Variants in SEMA3C observed in about 807,000 individuals in gnomAD.
The protein encoded by SEMA3C is semaphorin 3C.
A neutral mutation model predicts 89.4 loss-of-function variants in SEMA3C; 47 were observed. The ratio of observed to expected loss-of-function variants is 0.53; its 90% CI spans 0.42 to 0.67. The LOEUF is 0.67. Among genes scored for constraint, SEMA3C ranks in the 30% least tolerant of loss-of-function variants. The pLI, the probability that SEMA3C is intolerant of heterozygous loss-of-function variation, is 0.00. For missense variants in SEMA3C, 839 were observed against 929.1 expected (o/e 0.90, Z 1.26); for synonymous variants, 310 against 320.2 (o/e 0.97, Z 0.34).
At chr7:80,764,724 C>T (rs753846297) in intron 13 of SEMA3C, among the ~76,000 whole-genome samples, 1 of 152,012 alleles carries the variant, frequency 6.6e-6, no homozygotes, top group Non-Finnish European at 1.5e-5. Flanking sequence ...AAAACAAAGT[C>T]GTTTTTCTTG....
chr7:80,777,779 T>C (rs950391154), intron 12 of SEMA3C, among the ~76,000 whole-genome samples: 2 of 152,204 alleles, frequency 1.3e-5, no homozygotes, highest in Non-Finnish European at 2.9e-5. Context: ...GGCAGGTTAA[T>C]TGAAAAATAG....
chr7:80,751,464 A>G, intron 15 of SEMA3C, 128 bp from the exon 16 acceptor site: 1 of 733,938 alleles, frequency 1.4e-6, no homozygotes, highest in Non-Finnish European at 2.3e-6. Context: ...TTTTAAAAAG[A>G]GTTCTGATTG....
intron 2 of SEMA3C, among the ~76,000 whole-genome samples, chr7:80,854,254 T>C (rs1010751095): frequency 1.3e-5 from 2 of 152,232 alleles, no homozygotes; most frequent in Admixed American, 1.3e-4. Flanking sequence ...TCTCCATTTG[T>C]TCTTCTTTGC....
chr7:80,888,136 G>A (rs1312560612), intron 2 of SEMA3C, among the ~76,000 whole-genome samples: 1 of 152,168 alleles, frequency 6.6e-6, no homozygotes, highest in East Asian at 1.9e-4. Context: ...AATTGGCCAA[G>A]TGTGGTGGCT....
chr7:80,919,203 C>T (rs1456120816), upstream of SEMA3C: 13 of 984,952 alleles, frequency 1.3e-5, no homozygotes, highest in Admixed American at 6.2e-5. Context: ...CGCGAGGCCC[C>T]ACCCCGAGCG....
At position 80,916,692 on chromosome 7, in the gene SEMA3C, A is replaced by T. The variant is rs199606805; in HGVS notation, c.90T>A (p.Tyr30Ter). 3.7e-5 allele frequency: 59 copies of T among 1,611,224 alleles called. No individual in the cohort carries two copies. Among genetic ancestry groups the T allele is most frequent in the Non-Finnish European group, 4.6e-5 (54 of 1,179,226 alleles). The part of the protein sequence containing the change: ...KGSSQPQARV[Y>*]LTFDELRETK... ...CAACTCTCTTACCATCAAATGTTAA[A>T]TAAACTCTTGCTTGGGGCTGGGAAG... Residue 30 changes from tyrosine (Y) to a stop codon, truncating the protein, a stop_gained, in exon 2 of 18, where the codon TAT becomes TAA. Coordinates refer to ENST00000265361, the MANE Select transcript of SEMA3C (RefSeq NM_006379.5). LOFTEE classifies it high-confidence loss of function.
At chr7:80,840,521 A>T (rs1414889977) in intron 2 of SEMA3C, among the ~76,000 whole-genome samples, 1 of 90,520 alleles carries the variant, frequency 1.1e-5, no homozygotes, top group African/African-American at 4.0e-5. Context: ...TCTCCAGGAA[A>T]AAAAAAAAAA....
intron 4 of SEMA3C, among the ~76,000 whole-genome samples, chr7:80,823,540 A>G (rs1789802974): frequency 6.6e-6 from 1 of 152,150 alleles, no homozygotes; most frequent in Non-Finnish European, 1.5e-5. Flanking sequence ...CTGCAATGAC[A>G]CAAAAATACT....
chr7:80,837,876 G>A (rs1486095163), intron 2 of SEMA3C, among the ~76,000 whole-genome samples: 1 of 152,050 alleles, frequency 6.6e-6, no homozygotes, highest in Non-Finnish European at 1.5e-5. Context: ...ACAATGTCCT[G>A]GATTGTGGGG....
At chr7:80,770,373 T>C (rs181437694) in intron 12 of SEMA3C, among the ~76,000 whole-genome samples, 3 of 152,334 alleles carry the variant, frequency 2.0e-5, no homozygotes, top group Non-Finnish European at 4.4e-5. Flanking sequence ...ATTCCCTGAA[T>C]GTATTCACAA....
intron 2 of SEMA3C, among the ~76,000 whole-genome samples, chr7:80,853,892 A>G (rs546369964): frequency 1.0e-3 from 151 of 148,960 alleles, no homozygotes; most frequent in Admixed American, 5.5e-3. Context: ...CCCCATATAT[A>G]TGTGTGTGTG....
intron 12 of SEMA3C, among the ~76,000 whole-genome samples, chr7:80,768,800 G>GTC (rs1788363600): frequency 6.6e-6 from 1 of 152,170 alleles, no homozygotes; most frequent in African/African-American, 2.4e-5. Context: ...GTGTGTGTGT[G>GTC]TGTGTGTCAA....
chr7:80,879,406 T>C (rs1055248723), intron 2 of SEMA3C, among the ~76,000 whole-genome samples: 2 of 152,140 alleles, frequency 1.3e-5, no homozygotes, highest in South Asian at 2.1e-4. Context: ...CATGTGATTC[T>C]TTTCAGTCAG....
At chr7:80,768,454 C>T (rs1788353136) in intron 12 of SEMA3C, among the ~76,000 whole-genome samples, 1 of 151,084 alleles carries the variant, frequency 6.6e-6, no homozygotes, top group Non-Finnish European at 1.5e-5. Flanking sequence ...GCGGAGCTTG[C>T]AGTGAGCCAA....
intron 15 of SEMA3C, among the ~76,000 whole-genome samples, chr7:80,755,576 T>C (rs182580964): frequency 6.6e-6 from 1 of 151,282 alleles, no homozygotes; most frequent in East Asian, 1.9e-4. Flanking sequence ...TATCCCTTTC[T>C]TCCTTGGAAG....
At chr7:80,806,343 A>G (rs1789341497) in intron 6 of SEMA3C, among the ~76,000 whole-genome samples, 1 of 152,120 alleles carries the variant, frequency 6.6e-6, no homozygotes, top group African/African-American at 2.4e-5. Context: ...TAGTTTTAAG[A>G]ATTATTATTA....
intron 4 of SEMA3C, among the ~76,000 whole-genome samples, chr7:80,826,979 AGGTACCAT>A (rs1789886241): frequency 6.6e-6 from 1 of 152,134 alleles, no homozygotes; most frequent in African/African-American, 2.4e-5. Flanking sequence ...TAATTAACAA[AGGTACCAT>A]TTATCACTGG....
chr7:80,867,620 T>C (rs962676814), intron 2 of SEMA3C, among the ~76,000 whole-genome samples: 3 of 152,124 alleles, frequency 2.0e-5, no homozygotes, highest in Non-Finnish European at 4.4e-5. Context: ...GTGCATGCCA[T>C]AGTACTAAAG....
chr7:80,883,526 T>C (rs1791401240), intron 2 of SEMA3C, among the ~76,000 whole-genome samples: 1 of 152,230 alleles, frequency 6.6e-6, no homozygotes, highest in Non-Finnish European at 1.5e-5. Context: ...CCTTAATACA[T>C]GAACTTTTAA....
Sources: gnomAD v4.1 joint callset for allele counts (sites outside exome capture counted in the v4.1 genomes callset) on GRCh38, gnomAD v4.1.1 for gene constraint, MANE v1.5 for transcripts, NCBI Gene and HGNC (gene_info 2026-07-23, HGNC 2026-07-21) for gene names.